NPEPL1: variants seen among roughly 807,000 people sequenced by gnomAD.
The protein encoded by NPEPL1 is probable aminopeptidase NPEPL1.
A neutral mutation model predicts 52.4 loss-of-function variants in NPEPL1; 45 were observed. The ratio of observed to expected loss-of-function variants is 0.86; its 90% CI spans 0.68 to 1.10. The LOEUF (loss-of-function observed/expected upper bound fraction) is 1.10, where lower values mean the gene tolerates loss of function less well. NPEPL1 is among the 50% of genes least tolerant of loss of function. The pLI is 0.00. For synonymous variants in NPEPL1, 360 were observed against 314.7 expected (o/e 1.14, Z -1.52); for missense variants, 696 against 710.9 (o/e 0.98, Z 0.24).
intron 7 of NPEPL1, among the ~76,000 whole-genome samples, chr20:58,710,074 T>A (rs1223610803): frequency 6.9e-6 from 1 of 144,048 alleles, no homozygotes; most frequent in Non-Finnish European, 1.5e-5. Flanking sequence ...TGTCTTGCTC[T>A]GTTGCCCAGG....
chr20:58,699,178 T>C lies in NPEPL1; in HGVS notation c.598-19T>C, dbSNP rs916835538. 2.5e-6 allele frequency: 4 copies of C among 1,575,068 alleles called. No individual in the cohort carries two copies. The African/African-American group carries it at 4.0e-5, about 16-fold the overall frequency. ...TTCATGTGTTGTTGTGCTGTTGTTT[T>C]TTCCATGAACATGTCCAGGAGATTA... On this transcript the variant is annotated intron_variant, in intron 4 of 11. Transcript: ENST00000356091.
chr20:58,697,520 C>T (rs1032221290), intron 3 of NPEPL1, among the ~76,000 whole-genome samples: 9 of 152,202 alleles, frequency 5.9e-5, no homozygotes, highest in Non-Finnish European at 1.0e-4. Flanking sequence ...CTCGGCAGGG[C>T]GGGGGAGGTG....
intron 7 of NPEPL1, among the ~76,000 whole-genome samples, chr20:58,709,744 C>T (rs1568858807): frequency 6.6e-6 from 1 of 152,208 alleles, no homozygotes; most frequent in African/African-American, 2.4e-5. Context: ...CATGGCCTGC[C>T]TGTAGTCACA....
At chr20:58,700,880 A>AG in intron 5 of NPEPL1, 136 bp from the exon 6 acceptor site, 2 of 809,566 alleles carry the variant, frequency 2.5e-6, no homozygotes, top group Non-Finnish European at 3.6e-6. Flanking sequence ...GGGCAGGAGA[A>AG]GGGGCAGGGA....
Position 58,701,175 on chromosome 20 carries a change from C to A in NPEPL1, c.822+17C>A, listed in dbSNP as rs771631251. ...AAAGGGAAGGTGAGGTGCGGGCTGG[C>A]TCTCAGGGTGCCCTGGGGGAGGGGA... On this transcript the variant is annotated intron_variant, in intron 6 of 11. Coordinates refer to ENST00000356091, the MANE Select transcript of NPEPL1 (RefSeq NM_024663.4). 36 of 1,473,732 alleles carry A rather than the reference C, an allele frequency of 2.4e-5. No individual in the cohort carries two copies. The highest frequency in any genetic ancestry group is 3.3e-5 in the Non-Finnish European group (36 of 1,101,720). 91.3% of individuals were successfully genotyped at this position (1,473,732 alleles called of 1,614,324 possible).
In NPEPL1 at chr20:58,714,040, C is replaced by G. The variant is rs777876730; in HGVS notation, c.1249C>G (p.Leu417Val). Residue 417 changes from leucine to valine, a missense_variant, in exon 10 of 12, where the codon CTG becomes GTG. Coordinates refer to ENST00000356091, the MANE Select transcript of NPEPL1 (RefSeq NM_024663.4). ...LVHPLVYCPELHFSEFTSAVA... is the reference protein window; with the variant it reads ...LVHPLVYCPEVHFSEFTSAVA... ...GCACCCGCTGGTCTACTGCCCCGAG[C>G]TGCACTTCAGCGAGTTCACCTCAGC... is the stretch of plus-strand genomic sequence containing the variant. 6.5e-7 allele frequency: 1 copy of G among 1,541,636 alleles called. No individual in the cohort carries two copies. The highest frequency in any genetic ancestry group is 1.2e-5 in the South Asian group (1 of 82,090).
At chr20:58,701,638 G>A (rs906165067) in intron 6 of NPEPL1, among the ~76,000 whole-genome samples, 8 of 152,148 alleles carry the variant, frequency 5.3e-5, no homozygotes, top group Non-Finnish European at 7.4e-5. Flanking sequence ...GGGCCAGGGA[G>A]GCAGGGCTTG....
upstream of NPEPL1, chr20:58,692,089 T>C (rs2123069318): frequency 1.6e-5 from 8 of 501,480 alleles, no homozygotes; most frequent in South Asian, 1.5e-4. The surrounding 1 kb of genome is among the most constrained non-coding windows in gnomAD (Gnocchi z 5.7). Context: ...GCTTAGACTG[T>C]GCCAGATGAC....
upstream of NPEPL1, among the ~76,000 whole-genome samples, chr20:58,690,196 G>T (rs946066083): frequency 2.6e-5 from 4 of 152,186 alleles, no homozygotes; most frequent in African/African-American, 7.2e-5. Flanking sequence ...ATTCTGATTT[G>T]TCCCAGAAGT....
Position 58,694,612 on chromosome 20 carries a change from G to A in NPEPL1, c.507+20G>A. On this transcript the variant is annotated intron_variant, in intron 3 of 11. Transcript: ENST00000356091. ...TTGCAGGTGGGTGTCTGGAAGGGCA[G>A]ACACTGCCCCTGGGCCCGGGCAAGA... 1 of 1,600,884 alleles carries A rather than the reference G, an allele frequency of 6.2e-7. No homozygotes were observed. Among genetic ancestry groups the A allele is most frequent in the Non-Finnish European group, 8.5e-7 (1 of 1,173,084 alleles).
In NPEPL1 at chr20:58,700,933, C is replaced by A. The variant is rs1213273380; in HGVS notation, c.680-83C>A. On this transcript the variant is annotated intron_variant, in intron 5 of 11. Coordinates refer to ENST00000356091, the MANE Select transcript of NPEPL1 (RefSeq NM_024663.4). ...GCGGCTCTCCAGGAGAAACACCAGCCGGCCAGAGTTTCCAGGGGCCTCTGG... is the reference window on the plus strand; with the variant it reads ...GCGGCTCTCCAGGAGAAACACCAGCAGGCCAGAGTTTCCAGGGGCCTCTGG... 13 of 1,321,642 alleles carry A rather than the reference C, an allele frequency of 9.8e-6. No homozygotes were observed. The Admixed American group carries it at 3.4e-4, about 34-fold the overall frequency. The allele number at this position is 1,321,642 out of a possible 1,614,324, so 81.9% of individuals were successfully genotyped here. A position where few individuals can be genotyped will look rare whatever the true frequency, so the allele number is the denominator to read the frequency against.
At position 58,699,184 on chromosome 20, in the gene NPEPL1, T is replaced by C; in HGVS notation, c.598-13T>C. On this transcript the variant is annotated splice_polypyrimidine_tract_variant and intron_variant, in intron 4 of 11. Coordinates refer to ENST00000356091, the MANE Select transcript of NPEPL1 (RefSeq NM_024663.4). ...TGTTGTTGTGCTGTTGTTTTTTCCA[T>C]GAACATGTCCAGGAGATTAACAAAG... is the stretch of plus-strand genomic sequence containing the variant. 6.3e-7 allele frequency: 1 copy of C among 1,581,924 alleles called. No individual in the cohort carries two copies. Among genetic ancestry groups the C allele is most frequent in the Non-Finnish European group, 8.6e-7 (1 of 1,163,552 alleles).
Position 58,708,008 on chromosome 20 carries a change from C to G in NPEPL1, c.900+808C>G, listed in dbSNP as rs369524246. Among the ~76,000 whole-genome samples, 9 of 152,238 alleles carry G rather than the reference C, an allele frequency of 5.9e-5. No individual in the cohort carries two copies. In the East Asian group the frequency reaches 1.2e-3, roughly 20 times the overall value. ...GAGGTGGCGGAGGATCGATTGAGCCCGGGAGGTTGAGGCTGCAGTGAGCTA... is the reference window on the plus strand; with the variant it reads ...GAGGTGGCGGAGGATCGATTGAGCCGGGGAGGTTGAGGCTGCAGTGAGCTA... On this transcript the variant is annotated intron_variant, in intron 7 of 11. Coordinates refer to ENST00000356091, the MANE Select transcript of NPEPL1 (RefSeq NM_024663.4).
chr20:58,703,683 A>G (rs1160515208), intron 6 of NPEPL1: 1 of 985,166 alleles, frequency 1.0e-6, no homozygotes, highest in Non-Finnish European at 1.2e-6. Context: ...ACTTCATCTC[A>G]TGTGGCTGTG....
In NPEPL1 at chr20:58,715,171, G is replaced by A; in HGVS notation, c.1417G>A (p.Glu473Lys). Residue 473 changes from glutamate (E) to lysine (K), a missense_variant, in exon 12 of 12, where the codon GAG becomes AAG. By Grantham distance (56) the Glu-to-Lys change is moderately conservative. Coordinates refer to ENST00000356091, the MANE Select transcript of NPEPL1 (RefSeq NM_024663.4). Reference protein sequence around the residue: ...LDIAAPVHAGERATGFGVALL... With the variant: ...LDIAAPVHAGKRATGFGVALL... ...GTGTCCTGCCCTTTGCTTGCAGGGT[G>A]AGCGAGCCACAGGCTTCGGTGTGGC... is the stretch of plus-strand genomic sequence containing the variant. 6.2e-7 allele frequency: 1 copy of A among 1,601,242 alleles called. No individual in the cohort carries two copies. Among genetic ancestry groups the A allele is most frequent in the Non-Finnish European group, 8.5e-7 (1 of 1,176,490 alleles).
intron 4 of NPEPL1, 105 bp from the exon 5 acceptor site, chr20:58,699,092 C>T (rs534835959): frequency 1.0e-4 from 112 of 1,098,190 alleles, no homozygotes; most frequent in African/African-American, 3.7e-4. Flanking sequence ...GGCTCCCCGA[C>T]GCGGCACAGG....
At chr20:58,692,325 T>C (rs975728710), upstream of NPEPL1, 19 of 156,914 alleles carry the variant, frequency 1.2e-4, no homozygotes, top group African/African-American at 3.8e-4. This position sits in a 1 kb window ranked among gnomAD's most constrained non-coding sequence, Gnocchi z 5.7. Flanking sequence ...TGCCAGGCAG[T>C]GGGACAAAAG....
intron 1 of NPEPL1, chr20:58,693,522 C>T: frequency 4.1e-6 from 2 of 483,360 alleles, no homozygotes; most frequent in Non-Finnish European, 7.3e-6. Flanking sequence ...GGCTTGGTGG[C>T]TTCATCCCAC....
chr20:58,694,026 AG>A (rs1388585703), intron 2 of NPEPL1, 104 bp downstream of exon 2: 32 of 1,135,264 alleles, frequency 2.8e-5, no homozygotes, highest in Non-Finnish European at 3.8e-5. Flanking sequence ...GCACGCCCAG[AG>A]GGCTGTGGAC....
Sources: allele counts gnomAD v4.1 joint callset (sites outside exome capture counted in the v4.1 genomes callset), GRCh38; gene constraint gnomAD v4.1.1; non-coding constraint Gnocchi (gnomAD v3.1); transcripts MANE v1.5; gene names NCBI Gene and HGNC (gene_info 2026-07-23, HGNC 2026-07-21).